The following MITF variants were observed in gnomAD, a reference collection of about 807,000 sequenced individuals.
MITF encodes microphthalmia-associated transcription factor.
In MITF, 17 loss-of-function variants were observed where a neutral mutation model predicts 60.5. The ratio of observed to expected loss-of-function variants is 0.28; its 90% CI spans 0.19 to 0.42. The LOEUF (loss-of-function observed/expected upper bound fraction) is 0.42, where lower values mean the gene tolerates loss of function less well. MITF is among the 10% of genes least tolerant of loss of function. The probability of loss-of-function intolerance (pLI) is 1.00; values close to 1 mark genes in which losing one functional copy is unlikely to be tolerated. For missense variants in MITF, 622 were observed against 683.5 expected, an observed-to-expected ratio of 0.91 and a Z score of 1.00; for synonymous variants, 260 against 248.5, an observed-to-expected ratio of 1.05 and a Z score of -0.43.
At chr3:69,810,162 A>G (rs1054992188) in intron 1 of MITF, among the ~76,000 whole-genome samples, 4 of 152,096 alleles carry the variant, frequency 2.6e-5, no homozygotes, top group East Asian at 1.9e-4. Flanking sequence ...GAAAAACTGG[A>G]TGTTATTTTT....
At chr3:69,814,778 C>G (rs1408599460) in intron 1 of MITF, among the ~76,000 whole-genome samples, 1 of 152,040 alleles carries the variant, frequency 6.6e-6, no homozygotes, top group Admixed American at 6.6e-5. Context: ...TCCAGGTGTC[C>G]CCTCCCAGTG....
At chr3:69,796,131 G>A (rs1056114927) in intron 1 of MITF, among the ~76,000 whole-genome samples, 2 of 152,090 alleles carry the variant, frequency 1.3e-5, no homozygotes, top group Non-Finnish European at 2.9e-5. Flanking sequence ...ACAGGCATGT[G>A]CCACCACACC....
At chr3:69,907,877 G>C (rs2107374080) in intron 2 of MITF, among the ~76,000 whole-genome samples, 1 of 152,290 alleles carries the variant, frequency 6.6e-6, no homozygotes, top group African/African-American at 2.4e-5. Flanking sequence ...TGGGCTCAAA[G>C]AGAGTTTCTT....
chr3:69,755,186 G>A (rs1262605096), intron 1 of MITF, among the ~76,000 whole-genome samples: 1 of 152,142 alleles, frequency 6.6e-6, no homozygotes, highest in Non-Finnish European at 1.5e-5. Flanking sequence ...CTATAGCTAA[G>A]TGGAGAAATA....
chr3:69,957,439 AC>A (rs924135614), intron 8 of MITF, among the ~76,000 whole-genome samples: 103 of 152,286 alleles, frequency 6.8e-4, no homozygotes, highest in African/African-American at 2.4e-3. Flanking sequence ...ATAAAATAAA[AC>A]CATTACCTAT....
intron 1 of MITF, among the ~76,000 whole-genome samples, chr3:69,782,647 A>G (rs915162402): frequency 2.0e-5 from 3 of 152,156 alleles, no homozygotes; most frequent in African/African-American, 7.2e-5. Context: ...AGTATTCTCT[A>G]TTTGAAGCTT....
At chr3:69,792,521 C>G (rs930118099) in intron 1 of MITF, among the ~76,000 whole-genome samples, 2 of 152,106 alleles carry the variant, frequency 1.3e-5, no homozygotes, top group African/African-American at 4.8e-5. Context: ...TACTCACCAT[C>G]CCTAATCCTA....
chr3:69,755,925 T>C (rs1347022465), intron 1 of MITF, among the ~76,000 whole-genome samples: 3 of 152,194 alleles, frequency 2.0e-5, no homozygotes, highest in African/African-American at 7.2e-5. Flanking sequence ...GTGCTACTAC[T>C]GGTGTCATTG....
chr3:69,923,465 C>T (rs1035940825), intron 2 of MITF, among the ~76,000 whole-genome samples: 4 of 152,202 alleles, frequency 2.6e-5, no homozygotes, highest in African/African-American at 9.7e-5. Context: ...CTGCCTCAGC[C>T]TCCTGAGTAG....
chr3:69,965,826 G>A lies in MITF; in HGVS notation c.*578G>A, dbSNP rs2066677577. ...GTATTCTGTAAAAGAAAAAAAAAAT[G>A]CGGCCTTTTCATGAGGATCGTCTGG... On this transcript the variant is annotated 3_prime_UTR_variant, in exon 10 of 10. Transcript: ENST00000352241. 4.6e-6 allele frequency: 1 copy of A among 218,618 alleles called. No individual in the cohort carries two copies. The highest frequency in any genetic ancestry group is 1.9e-4 in the South Asian group (1 of 5,188). 13.5% of individuals were successfully genotyped at this position (218,618 alleles called of 1,614,324 possible).
At chr3:69,880,815 C>T (rs573465087) in intron 2 of MITF, among the ~76,000 whole-genome samples, 1 of 151,890 alleles carries the variant, frequency 6.6e-6, no homozygotes, top group South Asian at 2.1e-4. Flanking sequence ...AGAAATATGT[C>T]TATTTTATTC....
At chr3:69,817,228 G>A (rs13080248) in intron 1 of MITF, among the ~76,000 whole-genome samples, 46,975 of 151,918 alleles carry the variant, frequency 0.31, 8,774 homozygotes, top group Non-Finnish European at 0.42. Flanking sequence ...TATTCTATTT[G>A]ATATTTTGAT....
At chr3:69,875,997 TA>T (rs1195542318) in intron 1 of MITF, among the ~76,000 whole-genome samples, 3 of 152,222 alleles carry the variant, frequency 2.0e-5, no homozygotes, top group South Asian at 2.1e-4. Flanking sequence ...TATATAACTA[TA>T]AAAATATATT....
At chr3:69,890,667 G>C (rs554102975) in intron 2 of MITF, among the ~76,000 whole-genome samples, 1 of 152,166 alleles carries the variant, frequency 6.6e-6, no homozygotes, top group Non-Finnish European at 1.5e-5. Context: ...GGAAATTATA[G>C]CACAGCTCAT....
At chr3:69,959,729 C>T (rs1235037678) in intron 9 of MITF, among the ~76,000 whole-genome samples, 2 of 152,202 alleles carry the variant, frequency 1.3e-5, no homozygotes, top group African/African-American at 4.8e-5. Context: ...CAGCTCTCAT[C>T]CTCTAAACAA....
rs2107483866 is a variant in MITF at position 69,939,143 on chromosome 3, C to T, written c.628C>T (p.Pro210Ser). 6.2e-7 allele frequency: 1 copy of T among 1,614,020 alleles called. No individual in the cohort carries two copies. Among genetic ancestry groups the T allele is most frequent in the Non-Finnish European group, 8.5e-7 (1 of 1,179,988 alleles). The change falls in exon 4 of 10, where the codon CCA becomes TCA. Residue 210 changes from proline (P) to serine (S), a missense_variant. Coordinates refer to ENST00000352241, the MANE Select transcript of MITF (RefSeq NM_001354604.2). ...GCAAAACAGGGCAGAGAGCGAGTGC[C>T]CAGGCATGAACACACATTCACGAGC... ...EEQNRAESEC[P>S]GMNTHSRASC...
At chr3:69,823,306 A>G (rs1204096892) in intron 1 of MITF, among the ~76,000 whole-genome samples, 4 of 152,186 alleles carry the variant, frequency 2.6e-5, no homozygotes, top group Non-Finnish European at 4.4e-5. Context: ...ATGAAATACC[A>G]TAGACTGGTA....
rs1352688913 is a variant in MITF at position 69,812,287 on chromosome 3, G to C, written c.105-66847G>C. ...AATGGAAATGGTGCAGTCTCATAGG[G>C]CTGGGGTAATGAAAAAAAAATAGAT... On this transcript the variant is annotated intron_variant, in intron 1 of 9. Coordinates refer to ENST00000352241, the MANE Select transcript of MITF (RefSeq NM_001354604.2). Among the ~76,000 whole-genome samples the C allele has an allele frequency of 4.6e-5, 7 of 152,002 alleles. No homozygotes were observed. The East Asian group carries it at 1.4e-3, about 29-fold the overall frequency.
rs1207103489 is a variant in MITF, at chr3:69,763,950, A to T, written c.104+24249A>T. 4 of 1,351,042 alleles carry T rather than the reference A, an allele frequency of 3.0e-6. No homozygotes were observed. The East Asian group carries it at 1.5e-4, about 51-fold the overall frequency. The allele number at this position is 1,351,042 out of a possible 1,614,324, so 83.7% of individuals were successfully genotyped here. On this transcript the variant is annotated intron_variant, in intron 1 of 9. Coordinates refer to ENST00000352241, the MANE Select transcript of MITF (RefSeq NM_001354604.2). ...GTGCCTGTTTTCAAGAAGGTAATACAGATGATAACCAAAGTACCTCAGTTT... is the reference window on the plus strand; with the variant it reads ...GTGCCTGTTTTCAAGAAGGTAATACTGATGATAACCAAAGTACCTCAGTTT...
Sources: gnomAD v4.1 joint callset for allele counts (sites outside exome capture counted in the v4.1 genomes callset) on GRCh38, gnomAD v4.1.1 for gene constraint, MANE v1.5 for transcripts, NCBI Gene and HGNC (gene_info 2026-07-23, HGNC 2026-07-21) for gene names.